PRR5: variants seen among roughly 807,000 people sequenced by gnomAD.
PRR5 encodes the protein proline-rich protein 5.
PRR5 carries 25 observed loss-of-function variants against 30.6 expected under a neutral mutation model. The ratio of observed to expected loss-of-function variants is 0.82; its 90% CI spans 0.60 to 1.14. PRR5 has a LOEUF of 1.14. PRR5 is among the 50% of genes most tolerant of loss of function. The pLI is 0.00. For missense variants in PRR5, 600 were observed against 547.1 expected, an observed-to-expected ratio of 1.10 and a Z score of -0.96; for synonymous variants, 286 against 247.1, an observed-to-expected ratio of 1.16 and a Z score of -1.48.
chr22:44,723,150 T>C (rs986350887), intron 2 of PRR5, among the ~76,000 whole-genome samples: 4 of 152,076 alleles, frequency 2.6e-5, no homozygotes, highest in African/African-American at 9.6e-5. Flanking sequence ...CACGCCCAGC[T>C]AATTTTTGCA....
chr22:44,719,055 C>T (rs766702257), intron 2 of PRR5, among the ~76,000 whole-genome samples: 3 of 151,716 alleles, frequency 2.0e-5, no homozygotes, highest in Non-Finnish European at 2.9e-5. Context: ...CTTTCTTCCT[C>T]CTAAGGTACA....
chr22:44,720,791 C>T (rs1929813793), intron 2 of PRR5, among the ~76,000 whole-genome samples: 1 of 152,148 alleles, frequency 6.6e-6, no homozygotes, highest in Admixed American at 6.5e-5. Flanking sequence ...TGATGCCCCT[C>T]ACCCCTGCCC....
intron 1 of PRR5, chr22:44,679,805 G>A: frequency 1.9e-6 from 3 of 1,598,524 alleles, no homozygotes; most frequent in Non-Finnish European, 2.6e-6. Context: ...GAGCCATGGT[G>A]TGTTTGGAAC....
intron 6 of PRR5, chr22:44,734,721 C>A: frequency 2.4e-6 from 1 of 422,900 alleles, no homozygotes. Flanking sequence ...CTCTTGAGTA[C>A]AGGGCCCCTC....
chr22:44,698,392 A>T (rs187537548), upstream of PRR5, among the ~76,000 whole-genome samples: 650 of 149,172 alleles, frequency 4.4e-3, 4 homozygotes, highest in Middle Eastern at 0.018. Flanking sequence ...GGCTTTGGGG[A>T]TGTGTGAATG....
In PRR5 at chr22:44,691,220, T is replaced by C. The variant is rs1273523278; in HGVS notation, c.-10-11272T>C. 6.6e-6 allele frequency among the ~76,000 whole-genome samples: 1 copy of C among 151,804 alleles called. No homozygotes were observed. The highest frequency in any genetic ancestry group is 1.5e-5 in the Non-Finnish European group (1 of 67,918). ...TGGGCTGCTTCCGGGAGGATTTGGG[T>C]AGAGAAAACCGGGGTCTGGAATGGG... On this transcript the variant is annotated intron_variant, in intron 1 of 8. Transcript: ENST00000006251. This position sits in a 1 kb window ranked among gnomAD's most constrained non-coding sequence, Gnocchi z 4.4.
At position 44,732,396 on chromosome 22, in the gene PRR5, G is replaced by T; in HGVS notation, c.555+5G>T. 1 of 1,604,434 alleles carries T rather than the reference G, an allele frequency of 6.2e-7. No individual in the cohort carries two copies. The highest frequency in any genetic ancestry group is 8.5e-7 in the Non-Finnish European group (1 of 1,176,610). On this transcript the variant is annotated splice_donor_5th_base_variant and intron_variant, in intron 6 of 7. Transcript: ENST00000336985. ...CAGATGCTGCTGGTGCTGCAGGTGG[G>T]CACAGTGGGCAGAGGGTCGGGCATG... is the stretch of plus-strand genomic sequence containing the variant.
intron 2 of PRR5, among the ~76,000 whole-genome samples, chr22:44,716,144 G>A (rs990323775): frequency 5.3e-5 from 8 of 152,170 alleles, no homozygotes; most frequent in Admixed American, 2.0e-4. Context: ...GTGTGTGCTG[G>A]GGGTGGGGGC....
chr22:44,691,874 C>T lies in PRR5; in HGVS notation c.-10-10618C>T, dbSNP rs984568459. On this transcript the variant is annotated intron_variant, in intron 1 of 8. Transcript: ENST00000006251. This position sits in a 1 kb window ranked among gnomAD's most constrained non-coding sequence, Gnocchi z 4.4. Reference sequence around the variant, plus strand: ...GCTGGTGGTTGCCACCCTGGTTGGACGCCCCTCCTCCACGAGGGAAGCCAG... The same window carrying T: ...GCTGGTGGTTGCCACCCTGGTTGGATGCCCCTCCTCCACGAGGGAAGCCAG... Among the ~76,000 whole-genome samples the T allele has an allele frequency of 6.6e-6, 1 of 152,056 alleles. No individual in the cohort carries two copies. The highest frequency in any genetic ancestry group is 2.4e-5 in the African/African-American group (1 of 41,408).
chr22:44,697,147 T>G (rs770410112), intron 1 of PRR5, among the ~76,000 whole-genome samples: 5 of 152,144 alleles, frequency 3.3e-5, no homozygotes, highest in Non-Finnish European at 7.4e-5. Flanking sequence ...ACAGCCTCAG[T>G]TTCCCCAGTC....
chr22:44,710,609 A>G (rs1160325522), intron 1 of PRR5, among the ~76,000 whole-genome samples: 1 of 151,582 alleles, frequency 6.6e-6, no homozygotes, highest in African/African-American at 2.4e-5. Flanking sequence ...CCCTTCCTGT[A>G]TCCCTGAGTG....
chr22:44,707,004 A>T (rs1927314620), intron 1 of PRR5, among the ~76,000 whole-genome samples: 1 of 152,136 alleles, frequency 6.6e-6, no homozygotes, highest in Admixed American at 6.5e-5. Flanking sequence ...GGTGGCAGAG[A>T]TGTGTCCCCA....
intron 6 of PRR5, chr22:44,734,276 A>C (rs929757412): frequency 6.6e-6 from 1 of 152,158 alleles, no homozygotes; most frequent in African/African-American, 2.4e-5. Flanking sequence ...GTCTCAAAAA[A>C]AAAAATTCTA....
intron 1 of PRR5, among the ~76,000 whole-genome samples, chr22:44,709,736 C>G (rs1016392093): frequency 2.0e-5 from 3 of 152,142 alleles, no homozygotes; most frequent in Non-Finnish European, 4.4e-5. Flanking sequence ...CCTGTAATCC[C>G]AGCTCCTCTG....
intron 1 of PRR5, among the ~76,000 whole-genome samples, chr22:44,688,548 G>A (rs1475825333): frequency 2.0e-5 from 3 of 152,170 alleles, no homozygotes; most frequent in Non-Finnish European, 4.4e-5. Flanking sequence ...GAAATGGGGG[G>A]CAGCAACAGT....
intron 1 of PRR5, among the ~76,000 whole-genome samples, chr22:44,687,095 G>C (rs752864066): frequency 6.6e-6 from 1 of 152,162 alleles, no homozygotes; most frequent in Non-Finnish European, 1.5e-5. Context: ...TCTCCAGCAA[G>C]GGCTTTATCT....
chr22:44,726,890 C>T (rs967544239), intron 4 of PRR5, among the ~76,000 whole-genome samples: 2 of 152,174 alleles, frequency 1.3e-5, no homozygotes, highest in African/African-American at 4.8e-5. Flanking sequence ...CCCCCTGCTT[C>T]CCCTCCCTGC....
rs377514542 is a variant in PRR5, at chr22:44,736,947, C to T, written c.867C>T (p.Cys289=). ...ACTCTGTGTCGGAGATGACGTCCTGCCCCGAGCCTCAGGGCTTCTCCGACC... is the reference window on the plus strand; with the variant it reads ...ACTCTGTGTCGGAGATGACGTCCTGTCCCGAGCCTCAGGGCTTCTCCGACC... ...RRHSVSEMTS[C]PEPQGFSDPP... Residue 289 remains cysteine, a synonymous_variant, in exon 8 of 8, where the codon TGC becomes TGT. Coordinates refer to ENST00000336985, the MANE Select transcript of PRR5 (RefSeq NM_181333.4). The T allele has an allele frequency of 5.0e-6, 8 of 1,605,212 alleles. No individual in the cohort carries two copies. In the African/African-American group the frequency reaches 6.7e-5, roughly 13 times the overall value.
At position 44,736,927 on chromosome 22, in the gene PRR5, G is replaced by C; in HGVS notation, c.847G>C (p.Val283Leu). The C allele has an allele frequency of 6.2e-7, 1 of 1,607,684 alleles. No individual in the cohort carries two copies. The highest frequency in any genetic ancestry group is 8.5e-7 in the Non-Finnish European group (1 of 1,178,444). Reference sequence around the variant, plus strand: ...CGGTACCAGCATCCGCAGGCACTCTGTGTCGGAGATGACGTCCTGCCCCGA... The same window carrying C: ...CGGTACCAGCATCCGCAGGCACTCTCTGTCGGAGATGACGTCCTGCCCCGA... ...AGGTSIRRHS[V>L]SEMTSCPEPQ... The change falls in exon 8 of 8, where the codon GTG becomes CTG. Residue 283 changes from valine to leucine, a missense_variant. Coordinates refer to ENST00000336985, the MANE Select transcript of PRR5 (RefSeq NM_181333.4).
Sources: allele counts gnomAD v4.1 joint callset (sites outside exome capture counted in the v4.1 genomes callset), GRCh38; gene constraint gnomAD v4.1.1; non-coding constraint Gnocchi (gnomAD v3.1); transcripts MANE v1.5; gene names NCBI Gene and HGNC (gene_info 2026-07-23, HGNC 2026-07-21).